The following ADCY5 variants were observed in gnomAD, a reference collection of about 807,000 sequenced individuals.
ADCY5 encodes adenylate cyclase type 5.
In ADCY5, 30 loss-of-function variants were observed where a neutral mutation model predicts 119.7. The ratio of observed to expected loss-of-function variants is 0.25; its 90% CI spans 0.19 to 0.34. The LOEUF (loss-of-function observed/expected upper bound fraction) is 0.34. Among genes scored for constraint, ADCY5 ranks in the 10% least tolerant of loss-of-function variants. ADCY5 has a pLI of 1.00. For missense variants in ADCY5, 1,324 were observed against 1,775.2 expected, an observed-to-expected ratio of 0.75 and a Z score of 4.57; for synonymous variants, 753 against 762.2, an observed-to-expected ratio of 0.99 and a Z score of 0.20.
At chr3:123,323,219 C>A (rs375690076) in intron 8 of ADCY5, among the ~76,000 whole-genome samples, 5 of 152,166 alleles carry the variant, frequency 3.3e-5, no homozygotes. Context: ...CTGGGCAAAG[C>A]GATGAACGCT....
intron 1 of ADCY5, chr3:123,416,430 T>C (rs1945187404): frequency 4.1e-6 from 5 of 1,205,838 alleles, no homozygotes; most frequent in Non-Finnish European, 5.6e-6. Flanking sequence ...AGGGCCTCCC[T>C]GTCTCTGATT....
At chr3:123,320,610 G>T in intron 9 of ADCY5, 139 bp downstream of exon 9, 1 of 1,201,694 alleles carries the variant, frequency 8.3e-7, no homozygotes, top group Non-Finnish European at 1.2e-6. Context: ...CTGACGGCTA[G>T]GGTGGGCTCC....
chr3:123,342,101 T>C (rs1360767806), intron 3 of ADCY5, among the ~76,000 whole-genome samples: 2 of 152,158 alleles, frequency 1.3e-5, no homozygotes, highest in Non-Finnish European at 2.9e-5. Flanking sequence ...CGGCCCAGAA[T>C]ACTTTTCTTC....
intron 7 of ADCY5, 65 bp from the exon 8 acceptor site, chr3:123,325,527 C>T (rs893917530): frequency 6.3e-7 from 1 of 1,598,592 alleles, no homozygotes; most frequent in South Asian, 1.1e-5. Context: ...TCACCCTTCC[C>T]CAAACATCGT....
chr3:123,393,567 A>AAAT (rs781752528), intron 1 of ADCY5, among the ~76,000 whole-genome samples: 115 of 148,088 alleles, frequency 7.8e-4, no homozygotes, highest in Non-Finnish European at 1.5e-3. Flanking sequence ...TAAAAAATTA[A>AAAT]AATAAAATAA....
In ADCY5 at chr3:123,396,803, C is replaced by CG. The variant is rs1477908015; in HGVS notation, c.1135-44223_1135-44222insC. ...GAAGGCAGGCAGGCAGGCAGGCAGG[C>CG]AGGCAGGCAGGCAGGCGAGAGAGAG... On this transcript the variant is annotated intron_variant, in intron 1 of 20. Transcript: ENST00000462833. Among the ~76,000 whole-genome samples, 146 of 81,372 alleles carry CG rather than the reference C, an allele frequency of 1.8e-3. 4 individuals carry two copies. Among genetic ancestry groups the CG allele is most frequent in the Middle Eastern group, 8.5e-3 (1 of 118 alleles). The allele number at this position is 81,372 out of a possible 152,430, so 53.4% of individuals were successfully genotyped here.
chr3:123,377,598 C>T (rs1223556442), intron 1 of ADCY5, among the ~76,000 whole-genome samples: 1 of 151,762 alleles, frequency 6.6e-6, no homozygotes, highest in Admixed American at 6.6e-5. Context: ...AGACTGTGAG[C>T]TCCATGAGGG....
chr3:123,309,832 G>C (rs970085945), intron 12 of ADCY5, among the ~76,000 whole-genome samples: 1 of 152,162 alleles, frequency 6.6e-6, no homozygotes, highest in African/African-American at 2.4e-5. Flanking sequence ...GAGGGGAGGG[G>C]TACTGGTTGC....
chr3:123,401,449 C>T (rs895686774), intron 1 of ADCY5, among the ~76,000 whole-genome samples: 2 of 152,142 alleles, frequency 1.3e-5, no homozygotes, highest in Non-Finnish European at 2.9e-5. Context: ...TGTGGCTATT[C>T]GCACTTAGGA....
At position 123,328,626 on chromosome 3, in the gene ADCY5, C is replaced by T. The variant is rs757510285; in HGVS notation, c.1805+18G>A. On this transcript the variant is annotated intron_variant, in intron 6 of 20. Coordinates refer to ENST00000462833, the MANE Select transcript of ADCY5 (RefSeq NM_183357.3). ...GAACCCAGGTCGGGGCCCCAAGCCA[C>T]CCACAGCTGTCACTCACCCTGCCTT... 3.1e-6 allele frequency: 5 copies of T among 1,612,796 alleles called. No individual in the cohort carries two copies. In the African/African-American group the frequency reaches 4.0e-5, roughly 13 times the overall value.
chr3:123,293,651 T>C (rs1939309595), intron 17 of ADCY5, among the ~76,000 whole-genome samples: 1 of 152,098 alleles, frequency 6.6e-6, no homozygotes. Context: ...GAGTTTCTCA[T>C]TGCCAGAGAT....
At chr3:123,359,330 A>AT (rs1177173797) in intron 1 of ADCY5, among the ~76,000 whole-genome samples, 15 of 40,246 alleles carry the variant, frequency 3.7e-4, no homozygotes, top group South Asian at 1.0e-3. Flanking sequence ...ACTTATACTA[A>AT]AATATATATA....
rs766672866 is a variant in ADCY5 at position 123,327,717 on chromosome 3, C to T, written c.1848G>A (p.Gly616=). The T allele has an allele frequency of 2.2e-5, 35 of 1,613,952 alleles. No individual in the cohort carries two copies. Among genetic ancestry groups the T allele is most frequent in the Non-Finnish European group, 2.9e-5 (34 of 1,180,002 alleles). The change falls in exon 7 of 21, where the codon GGG becomes GGA. Residue 616 remains glycine (G), a synonymous_variant. Coordinates refer to ENST00000462833, the MANE Select transcript of ADCY5 (RefSeq NM_183357.3). The part of the protein sequence containing the change: ...ITKATLNYLN[G]DYEVEPGCGG... ...CACAGCCTGGCTCCACCTCGTAGTCCCCATTCAGGTAGTTGAGTGTAGCCT... is the reference window on the plus strand; with the variant it reads ...CACAGCCTGGCTCCACCTCGTAGTCTCCATTCAGGTAGTTGAGTGTAGCCT...
At position 123,282,559 on chromosome 3, in the gene ADCY5, G is replaced by A. The variant is rs894089985; in HGVS notation, c.*2049C>T. The A allele has an allele frequency of 6.6e-6, 1 of 152,290 alleles. No individual in the cohort carries two copies. Among genetic ancestry groups the A allele is most frequent in the African/African-American group, 2.4e-5 (1 of 41,432 alleles). The allele number at this position is 152,290 out of a possible 1,614,324, so 9.4% of individuals were successfully genotyped here. A position where few individuals can be genotyped will look rare whatever the true frequency, so the allele number is the denominator to read the frequency against. ...ACACACTTTACTCAGGTTGGAAGCA[G>A]AACGAAAACCCAACACCACTGGCGG... On this transcript the variant is annotated 3_prime_UTR_variant, in exon 21 of 21. Transcript: ENST00000462833.
intron 19 of ADCY5, among the ~76,000 whole-genome samples, chr3:123,287,734 T>C (rs1425624122): frequency 6.6e-6 from 1 of 152,206 alleles, no homozygotes; most frequent in East Asian, 1.9e-4. Context: ...CAGGCTGGAC[T>C]GTCCACCTTG....
At chr3:123,436,786 C>G (rs560402340) in intron 1 of ADCY5, among the ~76,000 whole-genome samples, 1 of 152,076 alleles carries the variant, frequency 6.6e-6, no homozygotes, top group Non-Finnish European at 1.5e-5. Context: ...AGTCCAGCAA[C>G]CAATCAGCTG....
At chr3:123,310,105 C>CACACACACAA (rs1940467109) in intron 12 of ADCY5, among the ~76,000 whole-genome samples, 1 of 74,786 alleles carries the variant, frequency 1.3e-5, no homozygotes. Context: ...GAGAGATTTA[C>CACACACACAA]ACACACACAC....
intron 1 of ADCY5, among the ~76,000 whole-genome samples, chr3:123,366,462 C>A (rs1175525358): frequency 6.6e-6 from 1 of 152,206 alleles, no homozygotes; most frequent in Admixed American, 6.5e-5. Context: ...CAGCCACTCT[C>A]TGTGGCTTTC....
At chr3:123,423,320 G>A (rs889143110) in intron 1 of ADCY5, among the ~76,000 whole-genome samples, 11 of 152,334 alleles carry the variant, frequency 7.2e-5, no homozygotes, top group Admixed American at 5.9e-4. Flanking sequence ...CCACCCCTGC[G>A]GAGAAGGGGA....
Sources: gnomAD v4.1 joint callset for allele counts (sites outside exome capture counted in the v4.1 genomes callset) on GRCh38, gnomAD v4.1.1 for gene constraint, MANE v1.5 for transcripts, NCBI Gene and HGNC (gene_info 2026-07-23, HGNC 2026-07-21) for gene names.